PRDM16: variants seen among roughly 807,000 people sequenced by gnomAD.
The protein encoded by PRDM16 is PR/SET domain 16, also known as histone-lysine N-methyltransferase PRDM16.
A neutral mutation model predicts 110.6 loss-of-function variants in PRDM16; 23 were observed. The observed-to-expected ratio is 0.21, with a 90% CI of 0.15 to 0.29. PRDM16 has a LOEUF of 0.29. Ranked by LOEUF, PRDM16 falls within the 10% of genes least tolerant of loss-of-function variation. The probability of loss-of-function intolerance (pLI) is 1.00; values close to 1 mark genes in which losing one functional copy is unlikely to be tolerated. For missense variants in PRDM16, 1,615 were observed against 1,794.3 expected, an observed-to-expected ratio of 0.90 and a Z score of 1.81; for synonymous variants, 799 against 781.8, an observed-to-expected ratio of 1.02 and a Z score of -0.37.
Position 3,359,275 on chromosome 1 carries a change from A to G in PRDM16, c.439-25877A>G, listed in dbSNP as rs1335268375. Among the ~76,000 whole-genome samples the G allele has an allele frequency of 1.3e-5, 2 of 152,102 alleles. No homozygotes were observed. The highest frequency in any genetic ancestry group is 2.4e-5 in the African/African-American group (1 of 41,406). Reference sequence around the variant, plus strand: ...GGCTTATACACATTTTTAAATGCAGACTTGTTGAAGTTGCTGACCCTCCTG... The same window carrying G: ...GGCTTATACACATTTTTAAATGCAGGCTTGTTGAAGTTGCTGACCCTCCTG... On this transcript the variant is annotated intron_variant, in intron 3 of 16. Coordinates refer to ENST00000270722, the MANE Select transcript of PRDM16 (RefSeq NM_022114.4). This position sits in a 1 kb window ranked among gnomAD's most constrained non-coding sequence, Gnocchi z 4.3.
At chr1:3,114,191 A>ACACGCG (rs1553127265) in intron 1 of PRDM16, among the ~76,000 whole-genome samples, 2 of 131,714 alleles carry the variant, frequency 1.5e-5, no homozygotes, top group South Asian at 5.0e-4. Context: ...ACACGCACAC[A>ACACGCG]CGCACACGCA....
intron 3 of PRDM16, among the ~76,000 whole-genome samples, chr1:3,276,481 T>C (rs1030748086): frequency 1.3e-5 from 2 of 152,176 alleles, no homozygotes; most frequent in African/African-American, 4.8e-5. Flanking sequence ...CATACCTACA[T>C]GAAGTCAGCT....
chr1:3,273,002 C>T (rs1640492724), intron 3 of PRDM16, among the ~76,000 whole-genome samples: 1 of 152,238 alleles, frequency 6.6e-6, no homozygotes, highest in African/African-American at 2.4e-5. Flanking sequence ...TTACCTGAGG[C>T]TGCAGTTACA....
intron 3 of PRDM16, among the ~76,000 whole-genome samples, chr1:3,341,187 C>T (rs886578854): frequency 7.8e-6 from 1 of 128,484 alleles, no homozygotes; most frequent in African/African-American, 2.6e-5. Flanking sequence ...GAGCAAGCTC[C>T]AGAGTGCAAA....
At chr1:3,260,663 T>A (rs191045725) in intron 3 of PRDM16, among the ~76,000 whole-genome samples, 1 of 147,414 alleles carries the variant, frequency 6.8e-6, no homozygotes, top group Non-Finnish European at 1.5e-5. Context: ...ATGAAGGAAA[T>A]GATGATCATA....
chr1:3,409,335 CCCTCTGGA>C (rs1370950559), intron 8 of PRDM16, among the ~76,000 whole-genome samples: 1 of 152,046 alleles, frequency 6.6e-6, no homozygotes, highest in Non-Finnish European at 1.5e-5. Flanking sequence ...TACAGACCCT[CCCTCTGGA>C]GGGTCACCTG....
rs1029055798 is a variant in PRDM16 at position 3,390,481 on chromosome 1, C to T, written c.573+5195C>T. Among the ~76,000 whole-genome samples the T allele has an allele frequency of 6.6e-6, 1 of 152,222 alleles. No individual in the cohort carries two copies. The highest frequency in any genetic ancestry group is 2.4e-5 in the African/African-American group (1 of 41,470). On this transcript the variant is annotated intron_variant, in intron 4 of 16. Transcript: ENST00000270722. The surrounding 1 kb of genome is among the most constrained non-coding windows in gnomAD (Gnocchi z 5.0). The stretch of plus-strand genomic sequence containing the variant: ...TCAGACAAACCCCAAAACCCCAGGG[C>T]CTTCCAGGGGCAGAGCAGGGGTCCC...
intron 3 of PRDM16, among the ~76,000 whole-genome samples, chr1:3,356,784 G>C (rs1642611740): frequency 6.6e-6 from 1 of 152,244 alleles, no homozygotes; most frequent in Non-Finnish European, 1.5e-5. Flanking sequence ...TCCAGGCTCA[G>C]AGGTGAGAGT....
intron 3 of PRDM16, chr1:3,309,307 G>T (rs1227264794): frequency 6.6e-6 from 1 of 152,232 alleles, no homozygotes; most frequent in East Asian, 1.9e-4. Flanking sequence ...GGGGTCATGG[G>T]GAAAGAAACC....
intron 1 of PRDM16, among the ~76,000 whole-genome samples, chr1:3,111,657 GGGCGGGGGCGCAGGCC>G (rs1642798233): frequency 6.6e-6 from 1 of 152,096 alleles, no homozygotes; most frequent in African/African-American, 2.4e-5. Flanking sequence ...ACGCCCCCTG[GGGCGGGGGCGCAGGCC>G]GGCTTTCAGG....
At chr1:3,139,644 G>A (rs1054039346) in intron 1 of PRDM16, among the ~76,000 whole-genome samples, 19 of 151,856 alleles carry the variant, frequency 1.3e-4, no homozygotes, top group African/African-American at 3.6e-4. Context: ...CCTGTTCTCC[G>A]GGGCCCGGCT....
intron 3 of PRDM16, among the ~76,000 whole-genome samples, chr1:3,328,963 G>A (rs545504282): frequency 8.9e-4 from 136 of 152,276 alleles, no homozygotes; most frequent in African/African-American, 1.5e-3. Context: ...CTGGCGGGTA[G>A]GGAACTCCCC....
chr1:3,354,824 G>A (rs574957483), intron 3 of PRDM16, among the ~76,000 whole-genome samples: 97 of 152,260 alleles, frequency 6.4e-4, no homozygotes, highest in African/African-American at 1.6e-3. Flanking sequence ...GGGACATTTC[G>A]ATGGATGGCG....
At chr1:3,276,769 A>G (rs1569977132) in intron 3 of PRDM16, among the ~76,000 whole-genome samples, 1 of 85,752 alleles carries the variant, frequency 1.2e-5, no homozygotes, top group Non-Finnish European at 2.2e-5. Context: ...GAACAGCGCC[A>G]GCCGCCTTGT....
At chr1:3,273,475 T>C (rs147458530) in intron 3 of PRDM16, among the ~76,000 whole-genome samples, 8 of 151,886 alleles carry the variant, frequency 5.3e-5, no homozygotes, top group Non-Finnish European at 1.2e-4. Flanking sequence ...AGTGAATGTG[T>C]GTGCACATGC....
intron 1 of PRDM16, among the ~76,000 whole-genome samples, chr1:3,110,864 C>T (rs1642775367): frequency 6.6e-6 from 1 of 152,086 alleles, no homozygotes; most frequent in Admixed American, 6.5e-5. Context: ...AGGTGCAGCT[C>T]TTGGGATAAG....
chr1:3,200,676 G>T (rs576788676), intron 2 of PRDM16, among the ~76,000 whole-genome samples: 1 of 152,196 alleles, frequency 6.6e-6, no homozygotes, highest in South Asian at 2.1e-4. Context: ...GGAGTCCTGC[G>T]TGGGATCTGA....
intron 1 of PRDM16, among the ~76,000 whole-genome samples, chr1:3,169,357 C>T (rs989092375): frequency 1.3e-5 from 2 of 152,142 alleles, no homozygotes; most frequent in Non-Finnish European, 2.9e-5. Flanking sequence ...CAGGGAAACA[C>T]CCTACGGTTG....
At chr1:3,087,821 C>T (rs534988599) in intron 1 of PRDM16, among the ~76,000 whole-genome samples, 15 of 152,208 alleles carry the variant, frequency 9.9e-5, no homozygotes, top group African/African-American at 2.4e-4. Flanking sequence ...CTTTGGACAA[C>T]AAGTCTCTGG....
Sources: allele counts gnomAD v4.1 joint callset (sites outside exome capture counted in the v4.1 genomes callset), GRCh38; gene constraint gnomAD v4.1.1; non-coding constraint Gnocchi (gnomAD v3.1); transcripts MANE v1.5; gene names NCBI Gene and HGNC (gene_info 2026-07-23, HGNC 2026-07-21).